The following MDGA2 variants were observed in gnomAD, a reference collection of about 807,000 sequenced individuals.
The protein encoded by MDGA2 is MAM domain containing glycosylphosphatidylinositol anchor 2, also known as MAM domain-containing glycosylphosphatidylinositol anchor protein 2.
Under a neutral mutation model 117.8 loss-of-function variants are expected in MDGA2, and 40 were observed. That is an observed-to-expected ratio of 0.34 (90% confidence interval 0.26 to 0.44). The LOEUF is 0.44. Among genes scored for constraint, MDGA2 ranks in the 20% least tolerant of loss-of-function variants. MDGA2 has a pLI of 1.00. For synonymous variants in MDGA2, 452 were observed against 439.0 expected, an observed-to-expected ratio of 1.03 and a Z score of -0.37; for missense variants, 1,123 against 1,250.6, an observed-to-expected ratio of 0.90 and a Z score of 1.54.
chr14:46,988,866 G>A (rs1886968821), intron 8 of MDGA2, among the ~76,000 whole-genome samples: 1 of 151,866 alleles, frequency 6.6e-6, no homozygotes, highest in African/African-American at 2.4e-5. Context: ...GAAAATAGTA[G>A]CATGCGCAAC....
At chr14:47,307,720 G>T (rs1437371682) in intron 1 of MDGA2, among the ~76,000 whole-genome samples, 2 of 126,330 alleles carry the variant, frequency 1.6e-5, no homozygotes, top group Non-Finnish European at 3.7e-5. Flanking sequence ...AAAATATGAA[G>T]ATTTGAAGAA....
intron 1 of MDGA2, among the ~76,000 whole-genome samples, chr14:47,306,538 A>G (rs1488228103): frequency 6.6e-6 from 1 of 152,142 alleles, no homozygotes; most frequent in Non-Finnish European, 1.5e-5. Context: ...CTCTGCTAAG[A>G]GCTTCAAGTA....
intron 3 of MDGA2, among the ~76,000 whole-genome samples, chr14:47,207,874 C>A (rs1408811644): frequency 6.6e-6 from 1 of 152,000 alleles, no homozygotes; most frequent in Non-Finnish European, 1.5e-5. Flanking sequence ...AAGTAGGCTG[C>A]TTTTCAGATA....
At chr14:47,329,186 C>T (rs571797149) in intron 1 of MDGA2, among the ~76,000 whole-genome samples, 39 of 152,178 alleles carry the variant, frequency 2.6e-4, no homozygotes, top group Admixed American at 2.1e-3. Context: ...CCTGCCTTGG[C>T]CCCTCAAAGT....
chr14:47,368,891 C>T (rs747105621), intron 1 of MDGA2, among the ~76,000 whole-genome samples: 3 of 152,110 alleles, frequency 2.0e-5, no homozygotes, highest in African/African-American at 7.2e-5. Context: ...CAGCAAGTGA[C>T]TTCCACCATT....
intron 8 of MDGA2, among the ~76,000 whole-genome samples, chr14:46,988,432 C>T (rs893153695): frequency 1.3e-5 from 2 of 151,826 alleles, no homozygotes; most frequent in South Asian, 4.1e-4. Context: ...ACTGAAACAC[C>T]AGGGAAGCAA....
intron 1 of MDGA2, among the ~76,000 whole-genome samples, chr14:47,473,591 G>A (rs1893774403): frequency 6.6e-6 from 1 of 151,044 alleles, no homozygotes; most frequent in African/African-American, 2.4e-5. Context: ...CAAAAGACGG[G>A]GACTGCAAAA....
intron 9 of MDGA2, among the ~76,000 whole-genome samples, chr14:46,953,439 G>T (rs72676693): frequency 1.3e-5 from 2 of 151,884 alleles, no homozygotes; most frequent in Non-Finnish European, 2.9e-5. Context: ...GCACTTTCTG[G>T]AAGTTAGAAG....
intron 2 of MDGA2, among the ~76,000 whole-genome samples, chr14:47,287,139 A>G (rs1295501555): frequency 6.6e-6 from 1 of 152,046 alleles, no homozygotes; most frequent in African/African-American, 2.4e-5. Flanking sequence ...AAGTGGAGAC[A>G]GTAGAATTTA....
At chr14:47,030,708 ATAAAT>A (rs1195368009) in intron 8 of MDGA2, among the ~76,000 whole-genome samples, 5 of 152,200 alleles carry the variant, frequency 3.3e-5, no homozygotes, top group African/African-American at 9.6e-5. Flanking sequence ...AAAAATGGGA[ATAAAT>A]TAAACAATGG....
At chr14:47,550,075 G>A (rs924350299) in intron 1 of MDGA2, among the ~76,000 whole-genome samples, 1 of 152,100 alleles carries the variant, frequency 6.6e-6, no homozygotes, top group Non-Finnish European at 1.5e-5. Context: ...GCTGGGTATT[G>A]CTTCATTGAT....
Position 47,211,140 on chromosome 14 carries a change from T to C in MDGA2, c.595+6881A>G, listed in dbSNP as rs946067363. Among the ~76,000 whole-genome samples, 15 of 152,178 alleles carry C rather than the reference T, an allele frequency of 9.9e-5. No individual in the cohort carries two copies. In the East Asian group the frequency reaches 2.1e-3, roughly 22 times the overall value. Reference sequence around the variant, plus strand: ...CTATCTTTCAATTTAAGCTCTCATTTCTCCCCCAAACCCACCATCGTAACC... The same window carrying C: ...CTATCTTTCAATTTAAGCTCTCATTCCTCCCCCAAACCCACCATCGTAACC... On this transcript the variant is annotated intron_variant, in intron 3 of 16. Transcript: ENST00000399232.
chr14:47,120,071 A>C (rs1188930352), intron 5 of MDGA2, among the ~76,000 whole-genome samples: 19 of 152,222 alleles, frequency 1.2e-4, no homozygotes, highest in Admixed American at 1.2e-3. Context: ...TACACTACCC[A>C]GTGACGCTTC....
intron 1 of MDGA2, among the ~76,000 whole-genome samples, chr14:47,500,857 T>C (rs773962687): frequency 9.2e-5 from 14 of 152,082 alleles, no homozygotes; most frequent in Non-Finnish European, 1.3e-4. Context: ...TTCTGAATAA[T>C]TTGGGAGAGT....
At chr14:47,538,672 A>G (rs920891747) in intron 1 of MDGA2, among the ~76,000 whole-genome samples, 1 of 152,072 alleles carries the variant, frequency 6.6e-6, no homozygotes, top group Non-Finnish European at 1.5e-5. Flanking sequence ...TTACCACATG[A>G]TGTGATTGTG....
chr14:47,264,900 T>G (rs1266416228), intron 2 of MDGA2, among the ~76,000 whole-genome samples: 1 of 152,020 alleles, frequency 6.6e-6, no homozygotes, highest in Admixed American at 6.6e-5. Context: ...TTCCCCTCCC[T>G]GTGTCAGTGT....
chr14:47,069,554 T>G (rs1008946808), intron 6 of MDGA2, among the ~76,000 whole-genome samples: 6 of 152,218 alleles, frequency 3.9e-5, no homozygotes, highest in African/African-American at 1.4e-4. Flanking sequence ...TGTCATGACA[T>G]TGTCCCAGTT....
intron 6 of MDGA2, among the ~76,000 whole-genome samples, chr14:47,072,099 T>G (rs867905516): frequency 2.7e-5 from 1 of 37,058 alleles, no homozygotes; most frequent in East Asian, 6.8e-4. Flanking sequence ...GTTGTTGTTG[T>G]TTGGGGGGGG....
At chr14:46,861,156 A>G (rs563904345) in intron 14 of MDGA2, among the ~76,000 whole-genome samples, 1 of 152,032 alleles carries the variant, frequency 6.6e-6, no homozygotes, top group East Asian at 1.9e-4. Flanking sequence ...AAATACATCC[A>G]ATCAAGAAAT....
Sources: gnomAD v4.1 joint callset for allele counts (sites outside exome capture counted in the v4.1 genomes callset) on GRCh38, gnomAD v4.1.1 for gene constraint, MANE v1.5 for transcripts, NCBI Gene and HGNC (gene_info 2026-07-23, HGNC 2026-07-21) for gene names.